The following NHS variants were observed in gnomAD, a reference collection of about 807,000 sequenced individuals.
NHS encodes the protein actin remodeling regulator NHS.
In NHS, 5 loss-of-function variants were observed where a neutral mutation model predicts 72.5. That is an observed-to-expected ratio of 0.07 (90% confidence interval 0.04 to 0.14). The LOEUF (loss-of-function observed/expected upper bound fraction) is 0.14. Among genes scored for constraint, NHS ranks in the 10% least tolerant of loss-of-function variants. The pLI, the probability that NHS is intolerant of heterozygous loss-of-function variation, is 1.00. For synonymous variants in NHS, 464 were observed against 547.7 expected (o/e 0.85, Z 2.13); for missense variants, 1,072 against 1,355.7 (o/e 0.79, Z 3.29).
intron 1 of NHS, among the ~76,000 whole-genome samples, chrX:17,508,471 T>C (rs961986857): frequency 1.1e-5 from 1 of 93,887 alleles, no homozygotes; most frequent in Non-Finnish European, 2.4e-5. Flanking sequence ...TTTTTTGTTG[T>C]TGTTTGTTTG....
chrX:17,403,220 A>G (rs947650286), intron 1 of NHS, among the ~76,000 whole-genome samples: 10 of 111,979 alleles, frequency 8.9e-5, no homozygotes, highest in African/African-American at 3.2e-4. Context: ...AACTTTCTTT[A>G]CTTCCACTCA....
At chrX:17,535,194 C>CA (rs2065217370) in intron 1 of NHS, among the ~76,000 whole-genome samples, 4 of 112,037 alleles carry the variant, frequency 3.6e-5, no homozygotes, top group African/African-American at 1.3e-4. Flanking sequence ...ACCATTTCCT[C>CA]TGACCTTGGG....
At chrX:17,715,154 G>A (rs1367709218) in intron 3 of NHS, among the ~76,000 whole-genome samples, 1 of 111,521 alleles carries the variant, frequency 9.0e-6, no homozygotes, top group African/African-American at 3.3e-5. Context: ...CCAATATATA[G>A]TCTTTCATCC....
chrX:17,380,627 G>A (rs756900360), intron 1 of NHS, among the ~76,000 whole-genome samples: 17 of 111,962 alleles, frequency 1.5e-4, no homozygotes, highest in Non-Finnish European at 2.6e-4. Context: ...GATTACAGGC[G>A]TGAGCCACCG....
intron 1 of NHS, among the ~76,000 whole-genome samples, chrX:17,425,234 C>T (rs980480055): frequency 9.0e-6 from 1 of 111,387 alleles, no homozygotes; most frequent in Non-Finnish European, 1.9e-5. Flanking sequence ...TGATCCACGT[C>T]CGGTGAGCGT....
intron 1 of NHS, among the ~76,000 whole-genome samples, chrX:17,508,824 T>A (rs1288581343): frequency 8.9e-6 from 1 of 112,453 alleles, no homozygotes; most frequent in East Asian, 2.8e-4. Context: ...TTCTACCTTT[T>A]GGCTATTGTG....
chrX:17,559,110 G>C (rs2065398616), intron 1 of NHS, among the ~76,000 whole-genome samples: 1 of 112,085 alleles, frequency 8.9e-6, no homozygotes, highest in East Asian at 2.8e-4. Flanking sequence ...AAATCTACCT[G>C]TTTTCTATGT....
At chrX:17,410,049 C>A (rs916802272) in intron 1 of NHS, among the ~76,000 whole-genome samples, 1 of 111,297 alleles carries the variant, frequency 9.0e-6, no homozygotes, top group African/African-American at 3.3e-5. Context: ...GAGAATGAAA[C>A]CCTTTTTTAC....
At chrX:17,411,612 A>G (rs1218421437) in intron 1 of NHS, among the ~76,000 whole-genome samples, 1 of 112,237 alleles carries the variant, frequency 8.9e-6, no homozygotes, top group Non-Finnish European at 1.9e-5. Context: ...TTTTTTTTAA[A>G]AAAAGAAGAC....
chrX:17,441,830 G>A (rs780311551), intron 1 of NHS, among the ~76,000 whole-genome samples: 47 of 112,097 alleles, frequency 4.2e-4, no homozygotes, highest in Non-Finnish European at 8.1e-4. Context: ...ATGGCGCAGA[G>A]ATCAGAAAAG....
At chrX:17,672,105 G>A (rs2066050346) in intron 1 of NHS, among the ~76,000 whole-genome samples, 1 of 112,284 alleles carries the variant, frequency 8.9e-6, no homozygotes, top group African/African-American at 3.2e-5. Context: ...TCATAGCAAT[G>A]ATATAGCGAG....
At chrX:17,596,697 A>G (rs7058277) in intron 1 of NHS, among the ~76,000 whole-genome samples, 2,476 of 111,433 alleles carry the variant, frequency 0.022, 66 homozygotes, top group African/African-American at 0.077. Context: ...GGAATTTGGT[A>G]TATTAGTCAG....
chrX:17,645,220 T>C (rs1040516344), intron 1 of NHS, among the ~76,000 whole-genome samples: 6 of 111,861 alleles, frequency 5.4e-5, no homozygotes, highest in African/African-American at 2.0e-4. Flanking sequence ...TCTTGAGTTA[T>C]GTTAACATTG....
intron 1 of NHS, among the ~76,000 whole-genome samples, chrX:17,544,456 G>A (rs772105624): frequency 5.4e-4 from 61 of 112,019 alleles, no homozygotes; most frequent in Non-Finnish European, 9.4e-4. Context: ...CTGATTTTCT[G>A]ATTATTTTCT....
chrX:17,377,185 G>C (rs1038117397), intron 1 of NHS, among the ~76,000 whole-genome samples: 5 of 112,533 alleles, frequency 4.4e-5, no homozygotes, highest in African/African-American at 1.6e-4. Context: ...GAACTAGTCT[G>C]CTAGGCGGGC....
At chrX:17,501,900 A>T (rs1206188489) in intron 1 of NHS, among the ~76,000 whole-genome samples, 3 of 112,223 alleles carry the variant, frequency 2.7e-5, no homozygotes, top group Non-Finnish European at 5.6e-5. Flanking sequence ...CTCTAGGCCA[A>T]CTTGCTTGGG....
intron 1 of NHS, among the ~76,000 whole-genome samples, chrX:17,558,768 CA>C (rs781524647): frequency 8.9e-6 from 1 of 112,290 alleles, no homozygotes; most frequent in Non-Finnish European, 1.9e-5. Context: ...TCTTACCTTC[CA>C]AAATGCTATG....
intron 1 of NHS, among the ~76,000 whole-genome samples, chrX:17,465,031 G>A (rs1437760178): frequency 8.9e-6 from 1 of 112,153 alleles, no homozygotes; most frequent in East Asian, 2.8e-4. Flanking sequence ...GAAGAAAGAT[G>A]TAGAACGGAA....
chrX:17,536,373 AAAAC>A lies in NHS; in HGVS notation c.566-151353_566-151350del, dbSNP rs755740934. On this transcript the variant is annotated intron_variant, in intron 1 of 8. Coordinates refer to ENST00000676302, the MANE Select transcript of NHS (RefSeq NM_001291867.2). The stretch of plus-strand genomic sequence containing the variant: ...CCGTCTCAAAAAAACAAACAAACAA[AAAAC>A]AAACAAACAAACAAAAAACTTGCAT... 4.2e-3 allele frequency among the ~76,000 whole-genome samples: 476 copies of A among 112,350 alleles called. 5 individuals carry two copies. The highest frequency in any genetic ancestry group is 6.8e-3 in the Admixed American group (73 of 10,689).
Sources: allele counts gnomAD v4.1 joint callset (sites outside exome capture counted in the v4.1 genomes callset), GRCh38; gene constraint gnomAD v4.1.1; transcripts MANE v1.5; gene names NCBI Gene and HGNC (gene_info 2026-07-23, HGNC 2026-07-21).